The following DLGAP1 variants were observed in gnomAD, a reference collection of about 807,000 sequenced individuals.
DLGAP1 encodes disks large-associated protein 1.
DLGAP1 carries 11 observed loss-of-function variants against 90.8 expected under a neutral mutation model. The observed-to-expected ratio is 0.12, with a 90% CI of 0.08 to 0.20. The LOEUF (loss-of-function observed/expected upper bound fraction) is 0.20, where lower values mean the gene tolerates loss of function less well. DLGAP1 is among the 10% of genes least tolerant of loss of function. The probability of loss-of-function intolerance (pLI) is 1.00; values close to 1 mark genes in which losing one functional copy is unlikely to be tolerated. For synonymous variants in DLGAP1, 558 were observed against 540.7 expected, an observed-to-expected ratio of 1.03 and a Z score of -0.44; for missense variants, 1,050 against 1,333.8, an observed-to-expected ratio of 0.79 and a Z score of 3.31.
intron 9 of DLGAP1, among the ~76,000 whole-genome samples, chr18:3,544,843 G>T (rs1317338808): frequency 6.6e-6 from 1 of 151,888 alleles, no homozygotes; most frequent in Admixed American, 6.6e-5. Flanking sequence ...GGTCTCAAGG[G>T]ATCCTCCTAC....
At chr18:3,910,097 T>C (rs910965085) in intron 3 of DLGAP1, among the ~76,000 whole-genome samples, 4 of 150,854 alleles carry the variant, frequency 2.7e-5, no homozygotes, top group African/African-American at 9.8e-5. Flanking sequence ...AAGTTAATAG[T>C]TGGACTACGA....
At chr18:4,063,062 T>C (rs1000274837) in intron 2 of DLGAP1, among the ~76,000 whole-genome samples, 13 of 152,104 alleles carry the variant, frequency 8.5e-5, no homozygotes, top group African/African-American at 2.9e-4. Context: ...ACAAATAAAT[T>C]GGCTAAAAAC....
At chr18:4,075,208 G>C (rs2075505297) in intron 2 of DLGAP1, among the ~76,000 whole-genome samples, 1 of 152,150 alleles carries the variant, frequency 6.6e-6, no homozygotes, top group Non-Finnish European at 1.5e-5. Context: ...AGTTTCTCCA[G>C]ATATGCATTC....
chr18:4,039,746 A>C (rs1275041797), intron 2 of DLGAP1, among the ~76,000 whole-genome samples: 2 of 152,232 alleles, frequency 1.3e-5, no homozygotes, highest in Non-Finnish European at 2.9e-5. Flanking sequence ...ATGGTTAAAG[A>C]ATATACAAAT....
intron 1 of DLGAP1, among the ~76,000 whole-genome samples, chr18:4,282,406 T>C (rs1007105954): frequency 6.6e-6 from 1 of 151,166 alleles, no homozygotes; most frequent in African/African-American, 2.4e-5. Flanking sequence ...AATTTTCTGC[T>C]GTTAAAACAA....
chr18:4,058,207 G>A (rs2075249702), intron 2 of DLGAP1, among the ~76,000 whole-genome samples: 1 of 152,142 alleles, frequency 6.6e-6, no homozygotes, highest in Admixed American at 6.6e-5. Context: ...TTGCACACCT[G>A]CCAGACAGTC....
rs551727395 is a variant in DLGAP1, at chr18:4,256,983, G to GT, written c.-266-105697_-266-105696insA. Among the ~76,000 whole-genome samples the GT allele has an allele frequency of 1.7e-4, 26 of 152,290 alleles. No homozygotes were observed. In the South Asian group the frequency reaches 5.4e-3, roughly 32 times the overall value. ...GTCAACACTCACACAGTGTGACTCT[G>GT]GCATAGATTCTGGCTGAGACGAACA... On this transcript the variant is annotated intron_variant, in intron 1 of 12. Coordinates refer to ENST00000315677, the MANE Select transcript of DLGAP1 (RefSeq NM_004746.4).
At chr18:4,362,305 C>T (rs569410459) in intron 1 of DLGAP1, among the ~76,000 whole-genome samples, 1 of 152,264 alleles carries the variant, frequency 6.6e-6, no homozygotes, top group East Asian at 1.9e-4. Context: ...CAGAATTATT[C>T]ACAATAGCTA....
chr18:3,801,753 C>A (rs1598805854), intron 5 of DLGAP1, among the ~76,000 whole-genome samples: 1 of 151,590 alleles, frequency 6.6e-6, no homozygotes, highest in South Asian at 2.1e-4. Context: ...AATAAAGAAG[C>A]CAAAAGAAAA....
At chr18:3,634,921 T>C (rs1262704566) in intron 7 of DLGAP1, among the ~76,000 whole-genome samples, 3 of 152,214 alleles carry the variant, frequency 2.0e-5, no homozygotes, top group African/African-American at 7.2e-5. Context: ...AACTTTATTA[T>C]CTGACATACA....
intron 2 of DLGAP1, among the ~76,000 whole-genome samples, chr18:4,112,655 G>A (rs533290442): frequency 1.1e-4 from 17 of 152,178 alleles, no homozygotes; most frequent in South Asian, 2.1e-4. Flanking sequence ...ACATGTGCAG[G>A]TTTGTTACCT....
At chr18:3,884,589 T>C (rs1370951500) in intron 3 of DLGAP1, among the ~76,000 whole-genome samples, 2 of 152,314 alleles carry the variant, frequency 1.3e-5, no homozygotes, top group East Asian at 3.9e-4. Context: ...TGACGTTACC[T>C]GAGGACAAGC....
At chr18:4,059,205 A>G (rs973567980) in intron 2 of DLGAP1, among the ~76,000 whole-genome samples, 4 of 152,184 alleles carry the variant, frequency 2.6e-5, no homozygotes, top group Non-Finnish European at 4.4e-5. Context: ...CCAGAATCCT[A>G]AAGATGAATG....
intron 7 of DLGAP1, among the ~76,000 whole-genome samples, chr18:3,646,519 T>C (rs17803886): frequency 0.19 from 29,517 of 152,222 alleles, 3,048 homozygotes; most frequent in African/African-American, 0.21. Flanking sequence ...GTGGTTTTGA[T>C]TGCATCAAGC....
chr18:3,651,482 A>G (rs1265436358), intron 7 of DLGAP1, among the ~76,000 whole-genome samples: 1 of 152,052 alleles, frequency 6.6e-6, no homozygotes, highest in Admixed American at 6.6e-5. Context: ...CGCTGAGCAC[A>G]TGGCTTTGCT....
intron 7 of DLGAP1, among the ~76,000 whole-genome samples, chr18:3,670,544 A>G (rs1380415190): frequency 6.6e-6 from 1 of 152,248 alleles, no homozygotes; most frequent in East Asian, 1.9e-4. Flanking sequence ...CCCTGCAGAA[A>G]GAAATTCATC....
chr18:3,647,000 G>T (rs1218193922), intron 7 of DLGAP1, among the ~76,000 whole-genome samples: 1 of 152,024 alleles, frequency 6.6e-6, no homozygotes, highest in East Asian at 1.9e-4. Flanking sequence ...TGTAATCTCA[G>T]CACTTTGAGA....
At chr18:3,656,041 C>T (rs1022224562) in intron 7 of DLGAP1, 53 of 1,526,582 alleles carry the variant, frequency 3.5e-5, no homozygotes, top group Non-Finnish European at 4.6e-5. Flanking sequence ...GCTATGCAAC[C>T]TTTAAGCAAA....
intron 4 of DLGAP1, among the ~76,000 whole-genome samples, chr18:3,842,109 G>T (rs2068748476): frequency 6.7e-6 from 1 of 150,084 alleles, no homozygotes; most frequent in Admixed American, 6.6e-5. Flanking sequence ...GAGGAGTTTG[G>T]CAGGGGTGGG....
Sources: gnomAD v4.1 joint callset for allele counts (sites outside exome capture counted in the v4.1 genomes callset) on GRCh38, gnomAD v4.1.1 for gene constraint, MANE v1.5 for transcripts, NCBI Gene and HGNC (gene_info 2026-07-23, HGNC 2026-07-21) for gene names.